CSMD1: variants seen among roughly 807,000 people sequenced by gnomAD.
The protein encoded by CSMD1 is CUB and Sushi multiple domains 1.
Under a neutral mutation model 417.5 loss-of-function variants are expected in CSMD1, and 213 were observed. The observed-to-expected ratio is 0.51, with a 90% CI of 0.46 to 0.57. CSMD1 has a LOEUF of 0.57. Among genes scored for constraint, CSMD1 ranks in the 20% least tolerant of loss-of-function variants. The pLI, the probability that CSMD1 is intolerant of heterozygous loss-of-function variation, is 0.00. For synonymous variants in CSMD1, 2,862 were observed against 1,736.8 expected, an observed-to-expected ratio of 1.65 and a Z score of -16.11; for missense variants, 6,923 against 4,529.7, an observed-to-expected ratio of 1.53 and a Z score of -15.17.
intron 3 of CSMD1, among the ~76,000 whole-genome samples, chr8:4,060,424 G>C (rs960276257): frequency 6.6e-6 from 1 of 152,276 alleles, no homozygotes; most frequent in East Asian, 1.9e-4. Flanking sequence ...ATTCAACATA[G>C]TGTTGGAAGT....
At chr8:4,533,990 G>C (rs1416330891) in intron 2 of CSMD1, among the ~76,000 whole-genome samples, 1 of 150,884 alleles carries the variant, frequency 6.6e-6, no homozygotes, top group Non-Finnish European at 1.5e-5. Context: ...GGGCAGATTT[G>C]TCAGTCTATA....
chr8:4,813,450 C>G (rs1799020877), intron 1 of CSMD1, among the ~76,000 whole-genome samples: 1 of 152,092 alleles, frequency 6.6e-6, no homozygotes, highest in Admixed American at 6.5e-5. Context: ...TGTATTCTTC[C>G]TAGATACAAC....
At chr8:3,987,048 T>C (rs1814384304) in intron 5 of CSMD1, among the ~76,000 whole-genome samples, 2 of 152,168 alleles carry the variant, frequency 1.3e-5, no homozygotes, top group Admixed American at 6.5e-5. Flanking sequence ...AATCACCGCA[T>C]CCATCCAAAA....
chr8:2,946,088 G>A (rs911684530), intron 68 of CSMD1, among the ~76,000 whole-genome samples: 1 of 152,152 alleles, frequency 6.6e-6, no homozygotes, highest in Non-Finnish European at 1.5e-5. Flanking sequence ...ACAGCCAGTG[G>A]CTCCTACATG....
chr8:3,588,471 T>C (rs543952959), intron 8 of CSMD1, among the ~76,000 whole-genome samples: 36 of 151,164 alleles, frequency 2.4e-4, no homozygotes, highest in African/African-American at 8.8e-4. Flanking sequence ...TCCAGGGGAG[T>C]TCAAACAGAA....
chr8:3,052,539 T>G lies in CSMD1; in HGVS notation c.7583A>C (p.Glu2528Ala). 2 of 1,607,772 alleles carry G rather than the reference T, an allele frequency of 1.2e-6. No individual in the cohort carries two copies. The highest frequency in any genetic ancestry group is 1.7e-6 in the Non-Finnish European group (2 of 1,176,998). The change falls in exon 50 of 70, where the codon GAA becomes GCA. Residue 2528 changes from glutamate (E) to alanine (A), a missense_variant. Transcript: ENST00000635120. ...CACGGCTGTTGCTTGCTGGCTGGAT[T>G]CAAGCTTGAAGCCCTCATGACATTC... ...VYECHEGFKL[E>A]SSQQATAVCQ...
intron 2 of CSMD1, among the ~76,000 whole-genome samples, chr8:4,543,961 C>T (rs1191179686): frequency 6.6e-6 from 1 of 152,070 alleles, no homozygotes; most frequent in Non-Finnish European, 1.5e-5. Context: ...AGGTCTTTAG[C>T]CCATTTATTA....
chr8:3,769,741 T>C (rs1269414330), intron 5 of CSMD1, among the ~76,000 whole-genome samples: 2 of 152,184 alleles, frequency 1.3e-5, no homozygotes, highest in Non-Finnish European at 2.9e-5. Flanking sequence ...ATTTAACCAA[T>C]GTCCTGCTAT....
At chr8:4,355,042 G>C (rs1037302296) in intron 3 of CSMD1, among the ~76,000 whole-genome samples, 19 of 151,896 alleles carry the variant, frequency 1.3e-4, no homozygotes, top group East Asian at 2.0e-4. Flanking sequence ...GCGGGCGGAT[G>C]ACGAGGTCAG....
chr8:4,210,806 C>A (rs1246936780), intron 3 of CSMD1, among the ~76,000 whole-genome samples: 1 of 152,090 alleles, frequency 6.6e-6, no homozygotes. Flanking sequence ...TACAAGGTCT[C>A]AAGACTATCA....
intron 41 of CSMD1, among the ~76,000 whole-genome samples, chr8:3,132,150 C>T (rs535001428): frequency 6.6e-6 from 1 of 152,264 alleles, no homozygotes; most frequent in Non-Finnish European, 1.5e-5. Context: ...TGCGAGGCCA[C>T]CCAGTGGGTT....
At chr8:4,011,000 G>A (rs1816495646) in intron 4 of CSMD1, among the ~76,000 whole-genome samples, 2 of 152,104 alleles carry the variant, frequency 1.3e-5, no homozygotes, top group South Asian at 2.1e-4. Flanking sequence ...CCTTTCTGGG[G>A]GATGACTGTT....
At position 3,850,879 on chromosome 8, in the gene CSMD1, G is replaced by A. The variant is rs561364045; in HGVS notation, c.819-96837C>T. ...CAGACTCAAGAAAGAATTTATTTCAGCATTATTATCACAGGAAACAGAGTT... is the reference window on the plus strand; with the variant it reads ...CAGACTCAAGAAAGAATTTATTTCAACATTATTATCACAGGAAACAGAGTT... On this transcript the variant is annotated intron_variant, in intron 5 of 69. Transcript: ENST00000635120. Among the ~76,000 whole-genome samples, 4 of 152,202 alleles carry A rather than the reference G, an allele frequency of 2.6e-5. No homozygotes were observed. The East Asian group carries it at 7.7e-4, about 29-fold the overall frequency.
At chr8:4,492,550 T>A (rs568627826) in intron 2 of CSMD1, among the ~76,000 whole-genome samples, 1 of 152,318 alleles carries the variant, frequency 6.6e-6, no homozygotes, top group South Asian at 2.1e-4. Context: ...TTTGCTCTAG[T>A]TTTTAGAAGT....
intron 5 of CSMD1, among the ~76,000 whole-genome samples, chr8:3,865,679 C>T (rs928809643): frequency 6.6e-6 from 1 of 152,194 alleles, no homozygotes. Flanking sequence ...GTACCAGGCA[C>T]TGTTCTAGGT....
intron 5 of CSMD1, among the ~76,000 whole-genome samples, chr8:3,859,742 C>G (rs1310350443): frequency 6.6e-6 from 1 of 152,152 alleles, no homozygotes; most frequent in Non-Finnish European, 1.5e-5. Context: ...CCCGGGCAGT[C>G]TTCCCTGGCT....
intron 10 of CSMD1, among the ~76,000 whole-genome samples, chr8:3,557,375 C>G (rs1799203451): frequency 6.6e-6 from 1 of 152,196 alleles, no homozygotes; most frequent in African/African-American, 2.4e-5. Context: ...GCCATTATTA[C>G]TATCATTTAT....
chr8:3,194,090 A>G (rs900823047), intron 33 of CSMD1, among the ~76,000 whole-genome samples: 9 of 152,236 alleles, frequency 5.9e-5, no homozygotes, highest in Non-Finnish European at 8.8e-5. Context: ...ACAAGCCATT[A>G]CTAGTCAATG....
rs372499305 is a variant in CSMD1, at chr8:3,708,472, C to A, written c.951G>T (p.Leu317Phe). Residue 317 changes from leucine to phenylalanine, a missense_variant, in exon 7 of 70, where the codon TTG becomes TTT. Transcript: ENST00000635120. ...AQFQVKKAIELKSRGVKMLPS... is the reference protein window; with the variant it reads ...AQFQVKKAIEFKSRGVKMLPS... ...GCAGCATCTTGACTCCTCTTGACTT[C>A]AACTCAATCGCCTTTTTCACTGGAA... 5 of 1,613,804 alleles carry A rather than the reference C, an allele frequency of 3.1e-6. No individual in the cohort carries two copies. The South Asian group carries it at 3.3e-5, about 11-fold the overall frequency.
Sources: gnomAD v4.1 joint callset for allele counts (sites outside exome capture counted in the v4.1 genomes callset) on GRCh38, gnomAD v4.1.1 for gene constraint, MANE v1.5 for transcripts, NCBI Gene and HGNC (gene_info 2026-07-23, HGNC 2026-07-21) for gene names.